SGCZ: variants seen among roughly 807,000 people sequenced by gnomAD.
The protein encoded by SGCZ is zeta-sarcoglycan.
Under a neutral mutation model 41.3 loss-of-function variants are expected in SGCZ, and 40 were observed. That is an observed-to-expected ratio of 0.97 (90% CI 0.75 to 1.26). The LOEUF is 1.26. SGCZ is among the 50% of genes most tolerant of loss of function. SGCZ has a pLI of 0.00. For missense variants in SGCZ, 552 were observed against 369.8 expected, an observed-to-expected ratio of 1.49 and a Z score of -4.04; for synonymous variants, 206 against 137.5, an observed-to-expected ratio of 1.50 and a Z score of -3.49.
intron 1 of SGCZ, among the ~76,000 whole-genome samples, chr8:14,732,178 A>T (rs1383509853): frequency 6.6e-6 from 1 of 151,962 alleles, no homozygotes; most frequent in Non-Finnish European, 1.5e-5. Flanking sequence ...ACTCTCTATA[A>T]CTCTCTTCTA....
At chr8:14,748,873 T>C (rs1510423) in intron 1 of SGCZ, among the ~76,000 whole-genome samples, 4 of 152,140 alleles carry the variant, frequency 2.6e-5, no homozygotes, top group African/African-American at 7.2e-5. Context: ...ATGTGGTAGG[T>C]AGTGTTCTTT....
At chr8:14,713,824 C>A (rs1809599896) in intron 1 of SGCZ, among the ~76,000 whole-genome samples, 1 of 151,926 alleles carries the variant, frequency 6.6e-6, no homozygotes, top group Non-Finnish European at 1.5e-5. Flanking sequence ...TTTTGGGAGT[C>A]CTTCAGGGAA....
intron 1 of SGCZ, among the ~76,000 whole-genome samples, chr8:15,204,686 C>T (rs1244733709): frequency 2.0e-5 from 3 of 152,152 alleles, no homozygotes; most frequent in African/African-American, 7.2e-5. Flanking sequence ...CTGTATAAAG[C>T]CCTTCCAGAC....
Position 14,476,437 on chromosome 8 carries a change from C to A in SGCZ, c.234+78295G>T, listed in dbSNP as rs531119485. 6.6e-5 allele frequency among the ~76,000 whole-genome samples: 10 copies of A among 151,788 alleles called. No individual in the cohort carries two copies. In the East Asian group the frequency reaches 1.6e-3, roughly 24 times the overall value. ...TTGCTGAGTCTATTTCTCTGGAGAACCCTGAATAATATATATATGTATGCA... is the reference window on the plus strand; with the variant it reads ...TTGCTGAGTCTATTTCTCTGGAGAAACCTGAATAATATATATATGTATGCA... On this transcript the variant is annotated intron_variant, in intron 2 of 7. Coordinates refer to ENST00000382080, the MANE Select transcript of SGCZ (RefSeq NM_139167.4).
intron 1 of SGCZ, among the ~76,000 whole-genome samples, chr8:14,910,614 G>C (rs888304065): frequency 7.3e-5 from 11 of 151,550 alleles, no homozygotes; most frequent in African/African-American, 2.7e-4. Context: ...CATTTTTTGG[G>C]TATACACTGA....
chr8:14,345,996 C>T (rs964594302), intron 2 of SGCZ, among the ~76,000 whole-genome samples: 4 of 152,112 alleles, frequency 2.6e-5, no homozygotes, highest in Admixed American at 6.5e-5. Flanking sequence ...CATTATACTG[C>T]AGTGGTGGAT....
At chr8:14,460,191 A>T (rs1157557862) in intron 2 of SGCZ, among the ~76,000 whole-genome samples, 2 of 152,182 alleles carry the variant, frequency 1.3e-5, no homozygotes, top group Non-Finnish European at 2.9e-5. Context: ...GTAAATATAA[A>T]ATTATTTCAA....
At chr8:14,659,344 T>A (rs950276945) in intron 1 of SGCZ, among the ~76,000 whole-genome samples, 1 of 152,300 alleles carries the variant, frequency 6.6e-6, no homozygotes, top group South Asian at 2.1e-4. Context: ...CATCACATTA[T>A]ACCCCATAAG....
At chr8:14,666,788 T>C (rs1807924915) in intron 1 of SGCZ, among the ~76,000 whole-genome samples, 1 of 150,830 alleles carries the variant, frequency 6.6e-6, no homozygotes, top group Non-Finnish European at 1.5e-5. Context: ...TTGAGAGAAA[T>C]AAATTCTGGA....
chr8:14,392,413 T>C (rs1804809810), intron 2 of SGCZ, among the ~76,000 whole-genome samples: 1 of 152,178 alleles, frequency 6.6e-6, no homozygotes, highest in Non-Finnish European at 1.5e-5. Flanking sequence ...GAGCCCATGG[T>C]AATCAAAATG....
chr8:14,262,414 C>T (rs1168652865), intron 3 of SGCZ, among the ~76,000 whole-genome samples: 1 of 151,984 alleles, frequency 6.6e-6, no homozygotes, highest in Non-Finnish European at 1.5e-5. Context: ...ATAGAGATTT[C>T]CTGAGCATAG....
At chr8:14,116,348 C>G (rs1362958243) in intron 5 of SGCZ, among the ~76,000 whole-genome samples, 1 of 152,052 alleles carries the variant, frequency 6.6e-6, no homozygotes, top group African/African-American at 2.4e-5. Flanking sequence ...GAATTTCCTT[C>G]TTACCTCAAG....
intron 1 of SGCZ, among the ~76,000 whole-genome samples, chr8:14,668,284 G>C (rs1416551996): frequency 6.6e-6 from 1 of 152,138 alleles, no homozygotes; most frequent in Non-Finnish European, 1.5e-5. Flanking sequence ...AATGAATTCA[G>C]TCCAAGCTCA....
intron 5 of SGCZ, among the ~76,000 whole-genome samples, chr8:14,149,415 C>A (rs1233706671): frequency 6.6e-6 from 1 of 151,864 alleles, no homozygotes; most frequent in Non-Finnish European, 1.5e-5. Flanking sequence ...TAAAATTCAT[C>A]CCATTTACAA....
At chr8:14,217,142 A>G (rs1279063075) in intron 4 of SGCZ, among the ~76,000 whole-genome samples, 2 of 152,004 alleles carry the variant, frequency 1.3e-5, no homozygotes, top group Non-Finnish European at 2.9e-5. Context: ...GCACACACAC[A>G]AAAAGTTAGC....
In SGCZ at chr8:14,309,456, G is replaced by C. The variant is rs551430087; in HGVS notation, c.336+14647C>G. 25 of 1,606,076 alleles carry C rather than the reference G, an allele frequency of 1.6e-5. No homozygotes were observed. In the East Asian group the frequency reaches 5.4e-4, roughly 34 times the overall value. Reference sequence around the variant, plus strand: ...ATTGGACAATCTTCTGATGACTGCAGTGATGATGTATGTGGCGCTGTTGTT... The same window carrying C: ...ATTGGACAATCTTCTGATGACTGCACTGATGATGTATGTGGCGCTGTTGTT... On this transcript the variant is annotated intron_variant, in intron 3 of 7. Coordinates refer to ENST00000382080, the MANE Select transcript of SGCZ (RefSeq NM_139167.4).
At chr8:14,333,134 T>C (rs139157625) in intron 2 of SGCZ, among the ~76,000 whole-genome samples, 194 of 152,260 alleles carry the variant, frequency 1.3e-3, no homozygotes, top group African/African-American at 4.6e-3. Context: ...AGTTACATGA[T>C]GCAGATTTCA....
At chr8:14,294,105 C>T (rs1262465720) in intron 3 of SGCZ, among the ~76,000 whole-genome samples, 1 of 151,708 alleles carries the variant, frequency 6.6e-6, no homozygotes, top group Non-Finnish European at 1.5e-5. Context: ...TTACAACCAC[C>T]AGACATTACG....
At chr8:14,633,711 C>G (rs1806733507) in intron 1 of SGCZ, among the ~76,000 whole-genome samples, 1 of 151,764 alleles carries the variant, frequency 6.6e-6, no homozygotes, top group South Asian at 2.1e-4. Flanking sequence ...ATTTTGATCT[C>G]TTAATTCAAC....
Sources: gnomAD v4.1 joint callset for allele counts (sites outside exome capture counted in the v4.1 genomes callset) on GRCh38, gnomAD v4.1.1 for gene constraint, MANE v1.5 for transcripts, NCBI Gene and HGNC (gene_info 2026-07-23, HGNC 2026-07-21) for gene names.